The following MCUR1 variants were observed in gnomAD, a reference collection of about 807,000 sequenced individuals.
MCUR1 encodes the protein MCU regulator 1.
In MCUR1, 37 loss-of-function variants were observed where a neutral mutation model predicts 42.0. The observed-to-expected ratio is 0.88, with a 90% CI of 0.68 to 1.16. The LOEUF is 1.16. Ranked by LOEUF, MCUR1 falls within the 50% of genes most tolerant of loss-of-function variation. MCUR1 has a pLI of 0.00. For synonymous variants in MCUR1, 229 were observed against 196.2 expected (o/e 1.17, Z -1.40); for missense variants, 469 against 468.4 (o/e 1.00, Z -0.01).
chr6:13,803,902 G>A (rs1437102476), intron 2 of MCUR1: 2 of 979,792 alleles, frequency 2.0e-6, no homozygotes, highest in Admixed American at 1.2e-4. Flanking sequence ...GGAGACCAAG[G>A]CGGGAGGATC....
chr6:13,786,904 C>T lies in MCUR1; in HGVS notation c.*3905G>A, dbSNP rs749067595. On this transcript the variant is annotated 3_prime_UTR_variant, in exon 9 of 9. Coordinates refer to ENST00000379170, the MANE Select transcript of MCUR1 (RefSeq NM_001031713.4). ...AATAAAATTCTAATAAAAGGCTAAACATTCTCAAATATTTTACATACATGA... is the reference window on the plus strand; with the variant it reads ...AATAAAATTCTAATAAAAGGCTAAATATTCTCAAATATTTTACATACATGA... 2.9e-4 allele frequency: 44 copies of T among 152,194 alleles called. No homozygotes were observed. Among genetic ancestry groups the T allele is most frequent in the Non-Finnish European group, 5.4e-4 (37 of 68,006 alleles). 9.4% of individuals were successfully genotyped at this position (152,194 alleles called of 1,614,324 possible).
chr6:13,801,724 G>C (rs187476915), intron 3 of MCUR1, among the ~76,000 whole-genome samples: 18 of 152,124 alleles, frequency 1.2e-4, no homozygotes, highest in African/African-American at 4.3e-4. Context: ...GCAGTGCACG[G>C]CTGTAGTCCC....
intron 2 of MCUR1, chr6:13,804,263 C>T: frequency 5.9e-6 from 1 of 170,368 alleles, no homozygotes; most frequent in South Asian, 6.5e-5. Flanking sequence ...GTGGGGGTTG[C>T]AGTAGGCCAA....
intron 5 of MCUR1, among the ~76,000 whole-genome samples, chr6:13,799,407 AC>A (rs922996745): frequency 1.3e-5 from 2 of 151,804 alleles, no homozygotes; most frequent in African/African-American, 4.8e-5. Flanking sequence ...CTGGTGTTGA[AC>A]TCCTGACCTT....
chr6:13,801,534 G>A (rs1759990286), intron 3 of MCUR1, 145 bp from the exon 4 acceptor site: 7 of 596,662 alleles, frequency 1.2e-5, no homozygotes, highest in Admixed American at 3.1e-5. Flanking sequence ...TATTCCAAAA[G>A]GGGAAAAGGA....
At chr6:13,795,839 C>T (rs890855711) in intron 6 of MCUR1, among the ~76,000 whole-genome samples, 2 of 152,064 alleles carry the variant, frequency 1.3e-5, no homozygotes, top group African/African-American at 2.4e-5. Flanking sequence ...CTCTAAATAA[C>T]GTCTTCATGT....
Position 13,800,360 on chromosome 6 carries a change from TG to T in MCUR1, c.763del (p.Gln255SerfsTer2). On this transcript the variant is annotated frameshift_variant, in exon 5 of 9. Coordinates refer to ENST00000379170, the MANE Select transcript of MCUR1 (RefSeq NM_001031713.4). LOFTEE classifies it high-confidence loss of function. ...ENEKIKLELHQLKQQVMDEVI... is the reference protein window; with the variant it reads ...ENEKIKLELHXLKQQVMDEVI... ...TCTTACCATTACTTGTTGTTTTAAC[TG>T]ATGTAGTTCGAGTTTTATTTTCTAA... 1 of 1,576,438 alleles carries T rather than the reference TG, an allele frequency of 6.3e-7. No individual in the cohort carries two copies. The highest frequency in any genetic ancestry group is 8.6e-7 in the Non-Finnish European group (1 of 1,157,130).
chr6:13,798,482 A>C (rs1385767892), intron 6 of MCUR1, among the ~76,000 whole-genome samples: 1 of 152,074 alleles, frequency 6.6e-6, no homozygotes, highest in Non-Finnish European at 1.5e-5. Context: ...GCCTGAAATA[A>C]TCAACTTAAC....
chr6:13,812,526 A>G (rs1760259988), intron 1 of MCUR1, among the ~76,000 whole-genome samples: 1 of 152,232 alleles, frequency 6.6e-6, no homozygotes, highest in African/African-American at 2.4e-5. Flanking sequence ...CTAGCTTGTC[A>G]GAAAAAGCGC....
chr6:13,786,722 G>T lies in MCUR1; in HGVS notation c.*4087C>A, dbSNP rs1305186053. ...TTTGAATGATCAGAAAAGTATATTAGTCACACAGAATTAAATATTTTAGAT... is the reference window on the plus strand; with the variant it reads ...TTTGAATGATCAGAAAAGTATATTATTCACACAGAATTAAATATTTTAGAT... On this transcript the variant is annotated 3_prime_UTR_variant, in exon 9 of 9. Transcript: ENST00000379170. The T allele has an allele frequency of 6.6e-6, 1 of 152,060 alleles. No individual in the cohort carries two copies. The highest frequency in any genetic ancestry group is 1.5e-5 in the Non-Finnish European group (1 of 68,026). 9.4% of individuals were successfully genotyped at this position (152,060 alleles called of 1,614,324 possible).
At chr6:13,794,052 C>A in intron 6 of MCUR1, 105 bp from the exon 7 acceptor site, 1 of 930,130 alleles carries the variant, frequency 1.1e-6, no homozygotes. Context: ...GAATACGTAA[C>A]ACCAGAAAGT....
intron 1 of MCUR1, among the ~76,000 whole-genome samples, chr6:13,809,831 G>T (rs1760193236): frequency 6.6e-6 from 1 of 151,966 alleles, no homozygotes; most frequent in Non-Finnish European, 1.5e-5. Flanking sequence ...TTGAGCCCAG[G>T]AGTTTGAGGC....
In MCUR1 at chr6:13,794,642, T is replaced by TG. The variant is rs1444924496; in HGVS notation, c.856-696_856-695insC. Among the ~76,000 whole-genome samples, 9 of 151,748 alleles carry TG rather than the reference T, an allele frequency of 5.9e-5. No individual in the cohort carries two copies. The East Asian group carries it at 1.7e-3, about 29-fold the overall frequency. ...CACTAACTCATCACATGTTGGGTTT[T>TG]TTTTTTTTTGGCTTGGTTTTTTGTT... is the stretch of plus-strand genomic sequence containing the variant. On this transcript the variant is annotated intron_variant, in intron 6 of 8. Transcript: ENST00000379170.
rs2113447419 is a variant in MCUR1, at chr6:13,788,853, C to A, written c.*1956G>T. On this transcript the variant is annotated 3_prime_UTR_variant, in exon 9 of 9. Coordinates refer to ENST00000379170, the MANE Select transcript of MCUR1 (RefSeq NM_001031713.4). The stretch of plus-strand genomic sequence containing the variant: ...TGATTTTCATACTATATGGAGCTCA[C>A]AATCTTTGGACTACACAAACATTCT... 1 of 152,328 alleles carries A rather than the reference C, an allele frequency of 6.6e-6. No homozygotes were observed. The highest frequency in any genetic ancestry group is 3.4e-3 in the Middle Eastern group (1 of 294). The allele number at this position is 152,328 out of a possible 1,614,324, so 9.4% of individuals were successfully genotyped here.
At position 13,807,076 on chromosome 6, in the gene MCUR1, G is replaced by C. The variant is rs778083267; in HGVS notation, c.416-32C>G. The C allele has an allele frequency of 1.1e-5, 18 of 1,565,372 alleles. No individual in the cohort carries two copies. The South Asian group carries it at 2.0e-4, about 17-fold the overall frequency. The stretch of plus-strand genomic sequence containing the variant: ...TGGAAAGGACAGTAAGCTCAAAACA[G>C]ACTTCATGCAAAACAAAAGCAACTC... On this transcript the variant is annotated intron_variant, in intron 1 of 8. Transcript: ENST00000379170.
rs766893902 is a variant in MCUR1, at chr6:13,791,959, C to G, written c.943G>C (p.Asp315His). 6.2e-7 allele frequency: 1 copy of G among 1,614,070 alleles called. No individual in the cohort carries two copies. Among genetic ancestry groups the G allele is most frequent in the East Asian group, 2.2e-5 (1 of 44,876 alleles). Residue 315 changes from aspartate to histidine, a missense_variant, in exon 8 of 9, where the codon GAC becomes CAC. By Grantham distance (81) the Asp-to-His change is moderately conservative. Coordinates refer to ENST00000379170, the MANE Select transcript of MCUR1 (RefSeq NM_001031713.4). ...GCAACCTCAGTTTCGATCTTCCTGT[C>G]TGTCTGGGTAAGGGCCCGATCTTGC... ...AQQDRALTQT[D>H]RKIETEVAGL... is the part of the protein sequence containing the mutation.
In MCUR1 at chr6:13,801,277, C is replaced by T; in HGVS notation, c.741+11G>A. ...TAATCAACTTTCTAAGTGTGAGAGG[C>T]TCTGTTTTACCTCATTTTCTGCTCT... On this transcript the variant is annotated intron_variant, in intron 4 of 8. Coordinates refer to ENST00000379170, the MANE Select transcript of MCUR1 (RefSeq NM_001031713.4). The T allele has an allele frequency of 6.4e-7, 1 of 1,556,186 alleles. No homozygotes were observed. The highest frequency in any genetic ancestry group is 8.9e-7 in the Non-Finnish European group (1 of 1,129,418).
intron 6 of MCUR1, among the ~76,000 whole-genome samples, chr6:13,797,671 G>A (rs937495353): frequency 2.6e-5 from 4 of 151,046 alleles, no homozygotes; most frequent in Non-Finnish European, 4.4e-5. Flanking sequence ...TCACACCACT[G>A]CACTCCAGCC....
At chr6:13,809,701 C>A in intron 1 of MCUR1, among the ~76,000 whole-genome samples, 1 of 149,214 alleles carries the variant, frequency 6.7e-6, no homozygotes, top group African/African-American at 2.5e-5. Context: ...CGAGACCAAC[C>A]TGGGCAACAC....
Sources: allele counts gnomAD v4.1 joint callset (sites outside exome capture counted in the v4.1 genomes callset), GRCh38; gene constraint gnomAD v4.1.1; transcripts MANE v1.5; gene names NCBI Gene and HGNC (gene_info 2026-07-23, HGNC 2026-07-21).